SRPK1: variants seen among roughly 807,000 people sequenced by gnomAD.
The protein encoded by SRPK1 is SRSF protein kinase 1.
A neutral mutation model predicts 89.5 loss-of-function variants in SRPK1; 52 were observed. That is an observed-to-expected ratio of 0.58 (90% CI 0.46 to 0.73). The LOEUF (loss-of-function observed/expected upper bound fraction) is 0.73. Among genes scored for constraint, SRPK1 ranks in the 30% least tolerant of loss-of-function variants. The pLI is 0.00. For missense variants in SRPK1, 603 were observed against 780.6 expected, an observed-to-expected ratio of 0.77 and a Z score of 2.71; for synonymous variants, 255 against 270.2, an observed-to-expected ratio of 0.94 and a Z score of 0.55.
chr6:35,914,298 GTTC>G (rs1268979467), intron 2 of SRPK1, among the ~76,000 whole-genome samples: 1 of 152,002 alleles, frequency 6.6e-6, no homozygotes, highest in East Asian at 1.9e-4. Flanking sequence ...TTAATAAAGA[GTTC>G]TTAAGATCAA....
intron 2 of SRPK1, among the ~76,000 whole-genome samples, chr6:35,904,052 C>T (rs906884330): frequency 5.9e-5 from 9 of 152,032 alleles, no homozygotes; most frequent in Non-Finnish European, 8.8e-5. Context: ...GATCCTCCCA[C>T]CTTGGCCTCC....
intron 10 of SRPK1, 109 bp from the exon 11 acceptor site, chr6:35,870,010 T>C (rs1431967335): frequency 1.1e-5 from 14 of 1,267,952 alleles, no homozygotes; most frequent in African/African-American, 1.5e-5. Flanking sequence ...CTGAGTGACA[T>C]AAAAACATGA....
At chr6:35,897,173 G>C (rs1178051294) in intron 2 of SRPK1, among the ~76,000 whole-genome samples, 2 of 152,158 alleles carry the variant, frequency 1.3e-5, no homozygotes, top group Admixed American at 6.5e-5. Flanking sequence ...TAAAACAATG[G>C]AAGTGTACAC....
intron 2 of SRPK1, among the ~76,000 whole-genome samples, chr6:35,904,313 A>C (rs1045687343): frequency 1.3e-5 from 2 of 152,044 alleles, no homozygotes; most frequent in Admixed American, 1.3e-4. Context: ...TCCAAAGCTA[A>C]TCCTCCACTA....
At chr6:35,887,182 A>T (rs898708052) in intron 5 of SRPK1, among the ~76,000 whole-genome samples, 1 of 152,172 alleles carries the variant, frequency 6.6e-6, no homozygotes, top group Non-Finnish European at 1.5e-5. Context: ...TTTCATGGAA[A>T]AACTTTCTCA....
chr6:35,848,834 G>T (rs887226502), intron 13 of SRPK1, among the ~76,000 whole-genome samples: 1 of 152,044 alleles, frequency 6.6e-6, no homozygotes, highest in African/African-American at 2.4e-5. Context: ...ATCTCACTCC[G>T]AATACAAAAA....
At chr6:35,842,725 T>TAA (rs201949294) in intron 13 of SRPK1, 121 bp from the exon 14 acceptor site, 267 of 416,440 alleles carry the variant, frequency 6.4e-4, no homozygotes, top group Non-Finnish European at 7.5e-4. Flanking sequence ...TATAGATCAT[T>TAA]TAAAAAAAAA....
In SRPK1 at chr6:35,861,713, G is replaced by A. The variant is rs12663471; in HGVS notation, c.1513-4345C>T. ...CGCCTTGCCCTTTCGGGCTGACGTG[G>A]CTGCAGCTGCCACTTGGCTGAGGAG... On this transcript the variant is annotated intron_variant, in intron 12 of 15. Coordinates refer to ENST00000373825, the MANE Select transcript of SRPK1 (RefSeq NM_003137.5). 1.2e-4 allele frequency among the ~76,000 whole-genome samples: 18 copies of A among 152,312 alleles called. No individual in the cohort carries two copies. In the East Asian group the frequency reaches 3.1e-3, roughly 26 times the overall value.
chr6:35,920,653 C>T (rs1247233987), intron 1 of SRPK1, 125 bp from the exon 2 acceptor site: 2 of 638,814 alleles, frequency 3.1e-6, no homozygotes, highest in East Asian at 5.7e-5. Context: ...GCTGCGGGCT[C>T]CGGCGAGGCG....
intron 2 of SRPK1, among the ~76,000 whole-genome samples, chr6:35,895,207 T>A (rs1369263526): frequency 3.9e-5 from 6 of 152,134 alleles, no homozygotes; most frequent in Non-Finnish European, 8.8e-5. Flanking sequence ...ACAGTCAAAA[T>A]AACATAAATG....
chr6:35,866,992 C>A (rs1228907902), intron 12 of SRPK1, among the ~76,000 whole-genome samples: 1 of 151,970 alleles, frequency 6.6e-6, no homozygotes, highest in Non-Finnish European at 1.5e-5. Flanking sequence ...GTGGAATGAT[C>A]GACAATGAAG....
At chr6:35,866,312 G>A (rs948492226) in intron 12 of SRPK1, among the ~76,000 whole-genome samples, 6 of 152,150 alleles carry the variant, frequency 3.9e-5, no homozygotes, top group Non-Finnish European at 7.4e-5. Flanking sequence ...ATGGCCGGGC[G>A]CGGTGGCTCA....
At chr6:35,838,681 C>T in intron 14 of SRPK1, 3 of 1,494,416 alleles carry the variant, frequency 2.0e-6, no homozygotes, top group Non-Finnish European at 2.7e-6. Flanking sequence ...CTGAAGTATC[C>T]CTGGGTCCTA....
At chr6:35,841,480 A>C (rs547446739) in intron 14 of SRPK1, among the ~76,000 whole-genome samples, 2 of 152,198 alleles carry the variant, frequency 1.3e-5, no homozygotes, top group South Asian at 4.1e-4. Context: ...TGCTGTAGTG[A>C]TATCTCAAAA....
At chr6:35,913,729 C>A (rs1226455902) in intron 2 of SRPK1, among the ~76,000 whole-genome samples, 1 of 147,528 alleles carries the variant, frequency 6.8e-6, no homozygotes, top group African/African-American at 2.5e-5. Flanking sequence ...ACCCAGGAGG[C>A]GGAAGTTGCA....
chr6:35,881,636 A>G (rs1325014151), intron 6 of SRPK1, among the ~76,000 whole-genome samples: 1 of 152,150 alleles, frequency 6.6e-6, no homozygotes, highest in East Asian at 1.9e-4. Flanking sequence ...TTCAATCAGA[A>G]AAAGTTATAA....
At chr6:35,879,353 C>T (rs1258662423) in intron 6 of SRPK1, among the ~76,000 whole-genome samples, 1 of 151,882 alleles carries the variant, frequency 6.6e-6, no homozygotes, top group African/African-American at 2.4e-5. Context: ...TTGAGACCAG[C>T]CTGGGCAACA....
rs182358771 is a variant in SRPK1 at position 35,888,937 on chromosome 6, G to A, written c.194-14C>T. 1.3e-5 allele frequency: 20 copies of A among 1,545,680 alleles called. No individual in the cohort carries two copies. In the Admixed American group the frequency reaches 1.4e-4, roughly 10 times the overall value. ...GATGATAACCTCCTGGAAGAAACAG[G>A]GGAAATACAATCAGAAAAACCAGGA... On this transcript the variant is annotated splice_polypyrimidine_tract_variant and intron_variant, in intron 3 of 15. Coordinates refer to ENST00000373825, the MANE Select transcript of SRPK1 (RefSeq NM_003137.5).
chr6:35,840,123 G>C (rs1581987862), intron 14 of SRPK1, among the ~76,000 whole-genome samples: 2 of 152,008 alleles, frequency 1.3e-5, no homozygotes, highest in East Asian at 3.9e-4. Context: ...CTCCTGGCCA[G>C]AAAAAAAGCT....
Sources: allele counts gnomAD v4.1 joint callset (sites outside exome capture counted in the v4.1 genomes callset), GRCh38; gene constraint gnomAD v4.1.1; transcripts MANE v1.5; gene names NCBI Gene and HGNC (gene_info 2026-07-23, HGNC 2026-07-21).